The following PKD1L1 variants were observed in gnomAD, a reference collection of about 807,000 sequenced individuals.
PKD1L1 encodes polycystin 1 like 1, transient receptor potential channel interacting, also known as polycystin-1-like protein 1.
A neutral mutation model predicts 323.4 loss-of-function variants in PKD1L1; 236 were observed. The observed-to-expected ratio is 0.73, with a 90% CI of 0.66 to 0.81. The LOEUF (loss-of-function observed/expected upper bound fraction) is 0.81, where lower values mean the gene tolerates loss of function less well. Ranked by LOEUF, PKD1L1 falls within the 40% of genes least tolerant of loss-of-function variation. The probability of loss-of-function intolerance (pLI) is 0.00; values close to 1 mark genes in which losing one functional copy is unlikely to be tolerated. For synonymous variants in PKD1L1, 1,344 were observed against 1,335.0 expected (o/e 1.01, Z -0.15); for missense variants, 3,320 against 3,508.0 (o/e 0.95, Z 1.35).
At chr7:47,819,561 G>C (rs773046610) in intron 46 of PKD1L1, 4 of 1,364,130 alleles carry the variant, frequency 2.9e-6, no homozygotes, top group Non-Finnish European at 3.9e-6. Context: ...CTGAAAAGTT[G>C]GTCATGGATG....
intron 54 of PKD1L1, among the ~76,000 whole-genome samples, chr7:47,798,139 C>T (rs1409795687): frequency 6.6e-6 from 1 of 152,114 alleles, no homozygotes; most frequent in East Asian, 1.9e-4. Flanking sequence ...CACCTACAGT[C>T]AAAACAGAAC....
chr7:47,957,858 AAAAAATAT>A, the PKD1L1 span, among the ~76,000 whole-genome samples: 5 of 48,084 alleles, frequency 1.0e-4, 1 homozygote, highest in East Asian at 3.0e-3. Context: ...TACAATTAAA[AAAAAATAT>A]ATATATATAT....
At chr7:47,933,647 C>T (rs1787814191) in intron 4 of PKD1L1, among the ~76,000 whole-genome samples, 1 of 152,108 alleles carries the variant, frequency 6.6e-6, no homozygotes, top group African/African-American at 2.4e-5. Context: ...GTATGGTGTA[C>T]CCATGACATA....
chr7:47,901,114 T>C (rs1787077327), intron 13 of PKD1L1, among the ~76,000 whole-genome samples: 1 of 151,792 alleles, frequency 6.6e-6, no homozygotes, highest in Non-Finnish European at 1.5e-5. Context: ...CCAAGGCAGG[T>C]GGATCAATTG....
intron 7 of PKD1L1, among the ~76,000 whole-genome samples, chr7:47,923,668 A>AATAC (rs1236703931): frequency 6.6e-6 from 1 of 151,626 alleles, no homozygotes; most frequent in South Asian, 2.1e-4. Context: ...TAAATAAATA[A>AATAC]ATAATAAAAA....
intron 46 of PKD1L1, chr7:47,819,767 G>A: frequency 3.1e-6 from 1 of 320,534 alleles, no homozygotes; most frequent in South Asian, 2.5e-5. Context: ...ATATCCATTA[G>A]CCATTATCTT....
chr7:47,938,298 A>G (rs1162707294), intron 3 of PKD1L1, among the ~76,000 whole-genome samples: 1 of 152,120 alleles, frequency 6.6e-6, no homozygotes, highest in Non-Finnish European at 1.5e-5. Context: ...CCAGAGTGGG[A>G]GCTGAAAGAT....
the PKD1L1 span, among the ~76,000 whole-genome samples, chr7:47,960,567 G>A: frequency 1.3e-5 from 2 of 151,392 alleles, no homozygotes; most frequent in Non-Finnish European, 2.9e-5. Context: ...AGCTGATCAG[G>A]TTTACCTATG....
chr7:47,940,408 A>G, intron 2 of PKD1L1, 91 bp from the exon 3 acceptor site: 2 of 1,402,532 alleles, frequency 1.4e-6, no homozygotes, highest in Non-Finnish European at 1.9e-6. Flanking sequence ...AGTTATACAT[A>G]AGGTCAAAGC....
At chr7:47,942,210 C>G (rs1338550702) in intron 2 of PKD1L1, among the ~76,000 whole-genome samples, 2 of 152,162 alleles carry the variant, frequency 1.3e-5, no homozygotes, top group Non-Finnish European at 2.9e-5. Context: ...ATATTTGAGA[C>G]TTTATCTCCC....
chr7:47,902,414 G>T lies in PKD1L1; in HGVS notation c.2029C>A (p.Pro677Thr). ...LFIVCEPCQP[P>T]LVKNMGPGKV... ...CCAGGCCCCATGTTCTTCACCAGGGGTGGCTGGCAGGGCTCGCACACGATG... is the reference window on the plus strand; with the variant it reads ...CCAGGCCCCATGTTCTTCACCAGGGTTGGCTGGCAGGGCTCGCACACGATG... The change falls in exon 13 of 57, where the codon CCC (proline) becomes ACC (threonine). Residue 677 changes from proline (P) to threonine (T), a missense_variant. Transcript: ENST00000289672. The T allele has an allele frequency of 6.2e-7, 1 of 1,614,192 alleles. No individual in the cohort carries two copies. The highest frequency in any genetic ancestry group is 8.5e-7 in the Non-Finnish European group (1 of 1,180,040).
intron 54 of PKD1L1, among the ~76,000 whole-genome samples, chr7:47,799,202 G>A (rs1784608565): frequency 6.6e-6 from 1 of 152,186 alleles, no homozygotes; most frequent in South Asian, 2.1e-4. Context: ...ATGGGTGGGT[G>A]GATAGGTGGA....
chr7:47,861,880 CAAAAAA>C (rs60918464), intron 26 of PKD1L1, among the ~76,000 whole-genome samples: 1 of 43,900 alleles, frequency 2.3e-5, no homozygotes, highest in Non-Finnish European at 3.7e-5. Flanking sequence ...GACTCTGTCT[CAAAAAA>C]AAAAAAAAAA....
rs1446654157 is a variant in PKD1L1 at position 47,840,377 on chromosome 7, T to C, written c.5552+84A>G. On this transcript the variant is annotated intron_variant, in intron 35 of 56. Transcript: ENST00000289672. The surrounding 1 kb of genome is among the most constrained non-coding windows in gnomAD (Gnocchi z 4.1). Reference sequence around the variant, plus strand: ...TATTAGAGACCAATGTTATGTATTCTACTGTTTTGTATTTGTGATAAGGTT... The same window carrying C: ...TATTAGAGACCAATGTTATGTATTCCACTGTTTTGTATTTGTGATAAGGTT... The C allele has an allele frequency of 5.5e-6, 5 of 917,256 alleles. No individual in the cohort carries two copies. The highest frequency in any genetic ancestry group is 8.8e-6 in the Non-Finnish European group (5 of 567,788). The allele number at this position is 917,256 out of a possible 1,614,324, so 56.8% of individuals were successfully genotyped here. A position where few individuals can be genotyped will look rare whatever the true frequency, so the allele number is the denominator to read the frequency against.
chr7:47,892,952 T>G (rs1786853908), intron 15 of PKD1L1, among the ~76,000 whole-genome samples: 1 of 152,072 alleles, frequency 6.6e-6, no homozygotes, highest in Non-Finnish European at 1.5e-5. Flanking sequence ...GGCCTGTGGC[T>G]GGGCCTGATG....
chr7:47,941,692 C>A (rs1219540422), intron 2 of PKD1L1, among the ~76,000 whole-genome samples: 4 of 152,080 alleles, frequency 2.6e-5, no homozygotes, highest in Non-Finnish European at 5.9e-5. Context: ...CTGGACACAT[C>A]CGAGAGGAAG....
intron 4 of PKD1L1, among the ~76,000 whole-genome samples, chr7:47,934,118 T>C (rs1334402957): frequency 2.0e-5 from 3 of 152,246 alleles, no homozygotes; most frequent in Non-Finnish European, 2.9e-5. Flanking sequence ...TATACTATTA[T>C]GTATGGTTTG....
At chr7:47,884,702 A>T (rs200089340) in intron 18 of PKD1L1, 45 bp from the exon 19 acceptor site, 1 of 1,513,712 alleles carries the variant, frequency 6.6e-7, no homozygotes, top group Non-Finnish European at 9.2e-7. Flanking sequence ...AAAATCACAG[A>T]ATCCCCTGAA....
intron 19 of PKD1L1, among the ~76,000 whole-genome samples, chr7:47,883,934 C>T (rs139644490): frequency 6.9e-4 from 105 of 152,328 alleles, no homozygotes; most frequent in African/African-American, 2.4e-3. Context: ...TCTGTTCATT[C>T]GATAGATGAA....
Sources: allele counts gnomAD v4.1 joint callset (sites outside exome capture counted in the v4.1 genomes callset), GRCh38; gene constraint gnomAD v4.1.1; non-coding constraint Gnocchi (gnomAD v3.1); transcripts MANE v1.5; gene names NCBI Gene and HGNC (gene_info 2026-07-23, HGNC 2026-07-21).